The following NRG3 variants were observed in gnomAD, a reference collection of about 807,000 sequenced individuals.
NRG3 encodes the protein neuregulin 3, also known as pro-neuregulin-3, membrane-bound isoform.
NRG3 carries 31 observed loss-of-function variants against 66.9 expected under a neutral mutation model. The observed-to-expected ratio is 0.46, with a 90% CI of 0.35 to 0.63. The LOEUF is 0.63. Among genes scored for constraint, NRG3 ranks in the 20% least tolerant of loss-of-function variants. The probability of loss-of-function intolerance (pLI) is 0.00; values close to 1 mark genes in which losing one functional copy is unlikely to be tolerated. For synonymous variants in NRG3, 393 were observed against 359.4 expected (o/e 1.09, Z -1.06); for missense variants, 910 against 878.9 (o/e 1.04, Z -0.45).
intron 6 of NRG3, among the ~76,000 whole-genome samples, chr10:82,964,654 G>A (rs912660007): frequency 7.9e-5 from 12 of 151,998 alleles, no homozygotes; most frequent in African/African-American, 1.9e-4. Flanking sequence ...CCCCATACTC[G>A]GGCTCATAAG....
chr10:82,759,868 AAC>A (rs2059232629), intron 3 of NRG3, among the ~76,000 whole-genome samples: 1 of 152,148 alleles, frequency 6.6e-6, no homozygotes, highest in Non-Finnish European at 1.5e-5. Flanking sequence ...AATAATAAGA[AAC>A]AGCGGAAGGA....
At chr10:82,948,882 C>T (rs1337107117) in intron 4 of NRG3, among the ~76,000 whole-genome samples, 1 of 152,054 alleles carries the variant, frequency 6.6e-6, no homozygotes. Context: ...TCTACTTTCC[C>T]CAGCTGAATG....
At chr10:82,788,773 C>CA (rs200321225) in intron 3 of NRG3, among the ~76,000 whole-genome samples, 2 of 149,296 alleles carry the variant, frequency 1.3e-5, no homozygotes, top group African/African-American at 5.0e-5. Context: ...TACTCTGTCT[C>CA]AAAAAAAAAA....
chr10:82,293,743 A>G (rs1394105225), intron 1 of NRG3, among the ~76,000 whole-genome samples: 1 of 152,044 alleles, frequency 6.6e-6, no homozygotes, highest in Non-Finnish European at 1.5e-5. Flanking sequence ...TTAAATCTCT[A>G]TGTGAATAAA....
intron 2 of NRG3, among the ~76,000 whole-genome samples, chr10:82,576,851 C>T (rs977305837): frequency 7.3e-5 from 11 of 151,722 alleles, no homozygotes; most frequent in African/African-American, 2.7e-4. Flanking sequence ...TCTCTAGGCA[C>T]ATGCTGATGG....
At chr10:82,577,187 G>A (rs1342679771) in intron 2 of NRG3, among the ~76,000 whole-genome samples, 3 of 151,634 alleles carry the variant, frequency 2.0e-5, no homozygotes, top group African/African-American at 7.3e-5. Context: ...TATTCCTTTA[G>A]ATAAAGTTTA....
Position 82,721,743 on chromosome 10 carries a change from G to T in NRG3, c.954-16834G>T, listed in dbSNP as rs1348159567. On this transcript the variant is annotated intron_variant, in intron 2 of 8. Transcript: ENST00000372141. ...CAGTTCTTATTTGTTTTAATAAAAG[G>T]TCAACAATTTTATGCATATCACTAT... Among the ~76,000 whole-genome samples, 7 of 152,172 alleles carry T rather than the reference G, an allele frequency of 4.6e-5. No homozygotes were observed. In the East Asian group the frequency reaches 1.2e-3, roughly 25 times the overall value.
chr10:82,692,247 A>AT (rs2054992755), intron 2 of NRG3, among the ~76,000 whole-genome samples: 1 of 97,754 alleles, frequency 1.0e-5, no homozygotes, highest in Non-Finnish European at 2.4e-5. Flanking sequence ...GTGAGATTCC[A>AT]TCTCAAAAAA....
chr10:82,842,636 G>C (rs2063115782), intron 3 of NRG3, among the ~76,000 whole-genome samples: 1 of 152,142 alleles, frequency 6.6e-6, no homozygotes, highest in Non-Finnish European at 1.5e-5. Context: ...TCATACAGTA[G>C]TTCCTGCTAA....
intron 2 of NRG3, among the ~76,000 whole-genome samples, chr10:82,600,708 T>A (rs1369987279): frequency 6.6e-6 from 1 of 152,156 alleles, no homozygotes; most frequent in East Asian, 1.9e-4. Flanking sequence ...GACCTCGTGA[T>A]CCTTTCACCT....
At chr10:82,681,596 C>G (rs974041304) in intron 2 of NRG3, among the ~76,000 whole-genome samples, 8 of 152,136 alleles carry the variant, frequency 5.3e-5, no homozygotes, top group Non-Finnish European at 5.9e-5. Flanking sequence ...AATAAATTGA[C>G]AAATAAATCA....
At chr10:81,961,931 A>G (rs992340352) in intron 1 of NRG3, among the ~76,000 whole-genome samples, 2 of 152,236 alleles carry the variant, frequency 1.3e-5, no homozygotes, top group African/African-American at 4.8e-5. Context: ...GAAAGGCAGC[A>G]TGCTTTGGTG....
chr10:82,061,985 G>A (rs1231495726), intron 1 of NRG3, among the ~76,000 whole-genome samples: 4 of 152,172 alleles, frequency 2.6e-5, no homozygotes, highest in African/African-American at 9.7e-5. Context: ...GCTGCATGGT[G>A]CAAATCTATA....
rs1841519517 is a variant in NRG3 at position 81,875,300 on chromosome 10, C to A, written c.-41C>A. 2.0e-6 allele frequency: 2 copies of A among 982,616 alleles called. No individual in the cohort carries two copies. The highest frequency in any genetic ancestry group is 4.5e-5 in the South Asian group (1 of 22,076). The allele number at this position is 982,616 out of a possible 1,614,324, so 60.9% of individuals were successfully genotyped here. On this transcript the variant is annotated 5_prime_UTR_variant, in exon 1 of 9. Transcript: ENST00000372141. This position sits in a 1 kb window ranked among gnomAD's most constrained non-coding sequence, Gnocchi z 5.3. ...GGCCCGCGCGGCCCCATGCCTCTGC[C>A]GCGGCCCTCGGGGGGGCGAAGGTGA...
At chr10:82,503,615 G>A (rs991208422) in intron 2 of NRG3, among the ~76,000 whole-genome samples, 4 of 152,184 alleles carry the variant, frequency 2.6e-5, no homozygotes, top group Admixed American at 6.5e-5. Flanking sequence ...AATCTATTTA[G>A]AAAGGTAGTT....
intron 3 of NRG3, among the ~76,000 whole-genome samples, chr10:82,858,471 T>C (rs772425980): frequency 6.6e-6 from 1 of 152,206 alleles, no homozygotes; most frequent in Non-Finnish European, 1.5e-5. Context: ...GAGACAATTA[T>C]ATTTCTTTAC....
chr10:81,879,107 T>G (rs1342515218), intron 1 of NRG3, among the ~76,000 whole-genome samples: 2 of 152,186 alleles, frequency 1.3e-5, no homozygotes, highest in African/African-American at 4.8e-5. Context: ...TCTCTTCCCG[T>G]CCTCCACCGT....
chr10:81,902,093 C>G (rs1052761101), intron 1 of NRG3, among the ~76,000 whole-genome samples: 3 of 152,154 alleles, frequency 2.0e-5, no homozygotes, highest in Non-Finnish European at 4.4e-5. Context: ...GCAAGGGGAT[C>G]TCTGCGTATT....
At chr10:82,697,923 C>A (rs1304376139) in intron 2 of NRG3, among the ~76,000 whole-genome samples, 2 of 152,054 alleles carry the variant, frequency 1.3e-5, no homozygotes, top group Non-Finnish European at 2.9e-5. Context: ...CAGTCCCGCT[C>A]TGAGTGGGTT....
Sources: gnomAD v4.1 joint callset for allele counts (sites outside exome capture counted in the v4.1 genomes callset) on GRCh38, gnomAD v4.1.1 for gene constraint, Gnocchi (gnomAD v3.1) non-coding constraint, MANE v1.5 for transcripts, NCBI Gene and HGNC (gene_info 2026-07-23, HGNC 2026-07-21) for gene names.